Variants in MTUS2 observed in about 807,000 individuals in gnomAD.
MTUS2 encodes the protein microtubule associated scaffold protein 2.
MTUS2 carries 40 observed loss-of-function variants against 114.1 expected under a neutral mutation model. That is an observed-to-expected ratio of 0.35 (90% CI 0.27 to 0.46). The LOEUF (loss-of-function observed/expected upper bound fraction) is 0.46, where lower values mean the gene tolerates loss of function less well. Among genes scored for constraint, MTUS2 ranks in the 20% least tolerant of loss-of-function variants. MTUS2 has a pLI of 1.00. For synonymous variants in MTUS2, 688 were observed against 672.0 expected (o/e 1.02, Z -0.37); for missense variants, 1,679 against 1,705.4 (o/e 0.98, Z 0.27).
At chr13:28,918,136 A>G (rs1053554645) in intron 2 of MTUS2, among the ~76,000 whole-genome samples, 10 of 151,990 alleles carry the variant, frequency 6.6e-5, no homozygotes, top group African/African-American at 2.4e-4. Context: ...TTAGGAAAAG[A>G]ATATGTATTC....
At chr13:29,500,821 ACACACACACACACATT>A (rs2139021290) in intron 14 of MTUS2, among the ~76,000 whole-genome samples, 1 of 152,080 alleles carries the variant, frequency 6.6e-6, no homozygotes, top group Admixed American at 6.5e-5. Flanking sequence ...ACACACACAC[ACACACACACACACATT>A]GATACATAAT....
chr13:29,125,651 A>G (rs1293266238), intron 5 of MTUS2, among the ~76,000 whole-genome samples: 2 of 150,720 alleles, frequency 1.3e-5, no homozygotes, highest in Admixed American at 6.6e-5. Context: ...AACCTGCCGC[A>G]GGATTTACAC....
At chr13:28,834,804 A>T (rs896858026) in intron 1 of MTUS2, among the ~76,000 whole-genome samples, 1 of 152,188 alleles carries the variant, frequency 6.6e-6, no homozygotes, top group Non-Finnish European at 1.5e-5. Context: ...AGAATATATA[A>T]AAATGATTTC....
chr13:29,462,547 T>A (rs1879578384), intron 9 of MTUS2, among the ~76,000 whole-genome samples: 1 of 151,994 alleles, frequency 6.6e-6, no homozygotes, highest in African/African-American at 2.4e-5. Context: ...GTGGCCAAAT[T>A]CCAGATGTAG....
chr13:28,916,474 A>T (rs1320471068), intron 2 of MTUS2, among the ~76,000 whole-genome samples: 1 of 151,638 alleles, frequency 6.6e-6, no homozygotes. Context: ...AATTTCTTTC[A>T]TCAGTGTTTT....
chr13:29,438,487 A>G (rs1039213793), intron 8 of MTUS2, among the ~76,000 whole-genome samples: 2 of 152,168 alleles, frequency 1.3e-5, no homozygotes, highest in African/African-American at 4.8e-5. Context: ...ACTTTCCCGT[A>G]AACATTAGTA....
intron 5 of MTUS2, among the ~76,000 whole-genome samples, chr13:29,127,869 G>A (rs1891587259): frequency 2.0e-5 from 3 of 152,180 alleles, no homozygotes; most frequent in African/African-American, 7.2e-5. Context: ...TTACAGATTA[G>A]TGTATTCAAC....
intron 6 of MTUS2, among the ~76,000 whole-genome samples, chr13:29,294,210 TTTCTC>T (rs1434944605): frequency 6.6e-6 from 1 of 152,168 alleles, no homozygotes; most frequent in Non-Finnish European, 1.5e-5. Context: ...CTTCCAGTCT[TTTCTC>T]TATATGGGTA....
chr13:29,204,088 T>C (rs1049239002), intron 5 of MTUS2, among the ~76,000 whole-genome samples: 5 of 152,086 alleles, frequency 3.3e-5, no homozygotes, highest in Admixed American at 3.3e-4. Flanking sequence ...GCCTCCAAAG[T>C]AGCTGGGACT....
chr13:29,402,482 A>T (rs1366957739), intron 8 of MTUS2, among the ~76,000 whole-genome samples: 2 of 152,048 alleles, frequency 1.3e-5, no homozygotes, highest in Admixed American at 6.5e-5. Context: ...GACTACAGAG[A>T]TAATAGTGGG....
At position 29,284,835 on chromosome 13, in the gene MTUS2, A is replaced by G. The variant is rs996428003; in HGVS notation, c.2806+2970A>G. Among the ~76,000 whole-genome samples, 14 of 152,196 alleles carry G rather than the reference A, an allele frequency of 9.2e-5. 1 individual carries two copies. The highest frequency in any genetic ancestry group is 2.9e-5 in the Non-Finnish European group (2 of 68,032). On this transcript the variant is annotated intron_variant, in intron 6 of 15. Transcript: ENST00000612955. ...TCTTTAAAACAATATTCTCAGCTCT[A>G]TCTACTGGAAAGTTGTAAGTGGTGA... is the stretch of plus-strand genomic sequence containing the variant.
At chr13:29,192,529 A>G (rs969168266) in intron 5 of MTUS2, among the ~76,000 whole-genome samples, 4 of 150,054 alleles carry the variant, frequency 2.7e-5, no homozygotes, top group African/African-American at 1.0e-4. Context: ...TACAGTTTCA[A>G]ATAGAAGGAA....
intron 8 of MTUS2, among the ~76,000 whole-genome samples, chr13:29,432,884 G>A (rs1467511028): frequency 6.6e-6 from 1 of 152,196 alleles, no homozygotes; most frequent in Non-Finnish European, 1.5e-5. Flanking sequence ...GGTGGGAGTT[G>A]GGAGAGGCAC....
At chr13:29,192,343 A>G (rs1180382361) in intron 5 of MTUS2, among the ~76,000 whole-genome samples, 1 of 152,198 alleles carries the variant, frequency 6.6e-6, no homozygotes, top group Admixed American at 6.5e-5. Context: ...AAACTAAAGA[A>G]AAGTTGATGT....
At chr13:29,049,662 G>C (rs1887799112) in intron 4 of MTUS2, among the ~76,000 whole-genome samples, 1 of 152,186 alleles carries the variant, frequency 6.6e-6, no homozygotes, top group Non-Finnish European at 1.5e-5. Context: ...GGTCAGTGGA[G>C]CCTACAGAGC....
chr13:29,433,865 T>C (rs1412663516), intron 8 of MTUS2, among the ~76,000 whole-genome samples: 1 of 152,242 alleles, frequency 6.6e-6, no homozygotes, highest in Admixed American at 6.5e-5. Context: ...TTAGTGTGCA[T>C]GTGTGCCACA....
At chr13:29,422,517 C>G (rs1447667408) in intron 8 of MTUS2, among the ~76,000 whole-genome samples, 2 of 152,168 alleles carry the variant, frequency 1.3e-5, no homozygotes, top group African/African-American at 2.4e-5. Flanking sequence ...TTTCCTATGA[C>G]TTTTCTAAAT....
intron 7 of MTUS2, among the ~76,000 whole-genome samples, chr13:29,335,210 C>T (rs1349221997): frequency 6.6e-6 from 1 of 152,174 alleles, no homozygotes; most frequent in Non-Finnish European, 1.5e-5. Flanking sequence ...TCTAAAATGG[C>T]TGCTTTGGAG....
At chr13:29,448,784 C>G (rs1878470919) in intron 9 of MTUS2, among the ~76,000 whole-genome samples, 1 of 122,808 alleles carries the variant, frequency 8.1e-6, no homozygotes, top group Non-Finnish European at 1.6e-5. Flanking sequence ...AAGATGGAGT[C>G]TCACTCTCAC....
Sources: allele counts gnomAD v4.1 joint callset (sites outside exome capture counted in the v4.1 genomes callset), GRCh38; gene constraint gnomAD v4.1.1; transcripts MANE v1.5; gene names NCBI Gene and HGNC (gene_info 2026-07-23, HGNC 2026-07-21).